The following CAPZB variants were observed in gnomAD, a reference collection of about 807,000 sequenced individuals.
The protein encoded by CAPZB is capping actin protein of muscle Z-line subunit beta.
CAPZB carries 2 observed loss-of-function variants against 38.1 expected under a neutral mutation model. The ratio of observed to expected loss-of-function variants is 0.05; its 90% CI spans 0.02 to 0.17. The LOEUF is 0.17. Ranked by LOEUF, CAPZB falls within the 10% of genes least tolerant of loss-of-function variation. The pLI is 1.00. For missense variants in CAPZB, 161 were observed against 334.2 expected (o/e 0.48, Z 4.04); for synonymous variants, 107 against 127.4 (o/e 0.84, Z 1.08).
intron 2 of CAPZB, among the ~76,000 whole-genome samples, chr1:19,402,925 T>A (rs985866192): frequency 6.6e-6 from 1 of 152,142 alleles, no homozygotes; most frequent in Non-Finnish European, 1.5e-5. Flanking sequence ...GGCAGGCACC[T>A]GTAATCCCAG....
intron 1 of CAPZB, among the ~76,000 whole-genome samples, chr1:19,438,766 C>T (rs2094466347): frequency 6.6e-6 from 1 of 152,234 alleles, no homozygotes; most frequent in Admixed American, 6.5e-5. Context: ...AGCTCTCTAA[C>T]ACAGGGAGGG....
intron 1 of CAPZB, chr1:19,449,163 A>C (rs544289069): frequency 7.5e-7 from 1 of 1,326,086 alleles, no homozygotes; most frequent in Admixed American, 3.1e-5. Context: ...CTGATAACGC[A>C]CAAAGTGCAC....
At chr1:19,394,364 T>C (rs933386258) in intron 2 of CAPZB, among the ~76,000 whole-genome samples, 2 of 152,202 alleles carry the variant, frequency 1.3e-5, no homozygotes, top group African/African-American at 4.8e-5. Flanking sequence ...CACCAGTAAT[T>C]ATAACATCGC....
At chr1:19,465,409 C>T (rs887727181) in intron 1 of CAPZB, among the ~76,000 whole-genome samples, 1 of 152,178 alleles carries the variant, frequency 6.6e-6, no homozygotes, top group Non-Finnish European at 1.5e-5. Context: ...GACTTCCCAG[C>T]CTTCAGAACT....
chr1:19,458,255 CATA>C (rs1338869242), intron 1 of CAPZB, among the ~76,000 whole-genome samples: 1 of 152,188 alleles, frequency 6.6e-6, no homozygotes, highest in Non-Finnish European at 1.5e-5. Context: ...CATGGGTCAA[CATA>C]ATATTTTTTG....
At position 19,456,354 on chromosome 1, in the gene CAPZB, G is replaced by C. The variant is rs558464155; in HGVS notation, c.3+29082C>G. On this transcript the variant is annotated intron_variant, in intron 1 of 8. Transcript: ENST00000264202. ...ATACTAATGACACCTCTAAGAAGAG[G>C]GTCAGGTGCAAATCCAAGCCAGGAT... 5.3e-5 allele frequency among the ~76,000 whole-genome samples: 8 copies of C among 152,204 alleles called. No individual in the cohort carries two copies. In the South Asian group the frequency reaches 1.7e-3, roughly 32 times the overall value.
intron 1 of CAPZB, among the ~76,000 whole-genome samples, chr1:19,450,712 C>G (rs1192128878): frequency 6.6e-6 from 1 of 152,282 alleles, no homozygotes; most frequent in Admixed American, 6.5e-5. Context: ...GAAGCAAAAA[C>G]CTGAAAAACT....
chr1:19,469,809 G>A (rs958135666), intron 1 of CAPZB, among the ~76,000 whole-genome samples: 2 of 150,976 alleles, frequency 1.3e-5, no homozygotes, highest in African/African-American at 4.9e-5. Context: ...AAGCAACAGA[G>A]AGCACAGTAA....
chr1:19,480,002 T>C (rs2094621696), intron 1 of CAPZB, among the ~76,000 whole-genome samples: 1 of 152,100 alleles, frequency 6.6e-6, no homozygotes, highest in Admixed American at 6.5e-5. Flanking sequence ...CCAGGCTTCA[T>C]GCCCAGCCCC....
intron 6 of CAPZB, among the ~76,000 whole-genome samples, chr1:19,345,882 G>A (rs4912072): frequency 0.18 from 26,998 of 152,210 alleles, 2,948 homozygotes; most frequent in Non-Finnish European, 0.22. Flanking sequence ...TCTGCGAGGA[G>A]AGTTTGAGCA....
chr1:19,394,808 G>A (rs984342269), intron 2 of CAPZB, among the ~76,000 whole-genome samples: 11 of 152,176 alleles, frequency 7.2e-5, no homozygotes, highest in African/African-American at 1.7e-4. Flanking sequence ...CACATCTGGC[G>A]GAGTAACACA....
chr1:19,425,144 G>A (rs1185048117), intron 1 of CAPZB, among the ~76,000 whole-genome samples: 1 of 152,188 alleles, frequency 6.6e-6, no homozygotes, highest in Non-Finnish European at 1.5e-5. Flanking sequence ...GAAGTAAACT[G>A]TCACCTGGTG....
At chr1:19,374,922 AGAAAGG>A (rs1254868960) in intron 4 of CAPZB, among the ~76,000 whole-genome samples, 2 of 152,230 alleles carry the variant, frequency 1.3e-5, no homozygotes, top group Non-Finnish European at 2.9e-5. Context: ...AAAGATGAAG[AGAAAGG>A]GATGGCCTAC....
rs1426582909 is a variant in CAPZB at position 19,357,894 on chromosome 1, T to C, written c.330-331A>G. On this transcript the variant is annotated intron_variant, in intron 4 of 8. Transcript: ENST00000264202. This position sits in a 1 kb window ranked among gnomAD's most constrained non-coding sequence, Gnocchi z 4.3. ...CAGCACGACTGACATCCAGTGACAA[T>C]CCATGCAGGCCATGACTACTGGAGT... Among the ~76,000 whole-genome samples the C allele has an allele frequency of 6.6e-6, 1 of 152,122 alleles. No homozygotes were observed. Among genetic ancestry groups the C allele is most frequent in the Non-Finnish European group, 1.5e-5 (1 of 68,016 alleles).
At chr1:19,341,759 C>T (rs2093930387) in intron 8 of CAPZB, among the ~76,000 whole-genome samples, 1 of 152,232 alleles carries the variant, frequency 6.6e-6, no homozygotes, top group African/African-American at 2.4e-5. Flanking sequence ...GTGAGGCTGA[C>T]CCGAGTCGTG....
intron 3 of CAPZB, among the ~76,000 whole-genome samples, chr1:19,381,632 T>C (rs2094175319): frequency 6.6e-6 from 1 of 151,244 alleles, no homozygotes; most frequent in African/African-American, 2.4e-5. Flanking sequence ...TGCAGTGATG[T>C]GAACATGGTC....
At position 19,453,953 on chromosome 1, in the gene CAPZB, A is replaced by T. The variant is rs189658986; in HGVS notation, c.3+31483T>A. Among the ~76,000 whole-genome samples, 12 of 152,322 alleles carry T rather than the reference A, an allele frequency of 7.9e-5. No individual in the cohort carries two copies. In the East Asian group the frequency reaches 1.2e-3, roughly 15 times the overall value. Reference sequence around the variant, plus strand: ...AACAAAGAAGCTAAGGACTGGGGCCACTTGGGACTCACGCCCAGGCAGCCA... The same window carrying T: ...AACAAAGAAGCTAAGGACTGGGGCCTCTTGGGACTCACGCCCAGGCAGCCA... On this transcript the variant is annotated intron_variant, in intron 1 of 8. Transcript: ENST00000264202.
At position 19,339,467 on chromosome 1, in the gene CAPZB, C is replaced by G; in HGVS notation, c.*63G>C. The G allele has an allele frequency of 3.1e-6, 4 of 1,270,386 alleles. No homozygotes were observed. The highest frequency in any genetic ancestry group is 2.4e-5 in the South Asian group (2 of 84,224). 78.7% of individuals were successfully genotyped at this position (1,270,386 alleles called of 1,614,324 possible). On this transcript the variant is annotated 3_prime_UTR_variant, in exon 9 of 9. Transcript: ENST00000264202. ...AGGGACGAGGGAAGGGAGCAGAAAA[C>G]GAGTTTTCTAAGAAAGGAATCTAAC...
intron 2 of CAPZB, among the ~76,000 whole-genome samples, chr1:19,399,112 C>T (rs1222269615): frequency 6.6e-6 from 1 of 151,964 alleles, no homozygotes; most frequent in Non-Finnish European, 1.5e-5. Context: ...CCTGTCTTGC[C>T]CTCCCGAAGT....
Sources: allele counts gnomAD v4.1 joint callset (sites outside exome capture counted in the v4.1 genomes callset), GRCh38; gene constraint gnomAD v4.1.1; non-coding constraint Gnocchi (gnomAD v3.1); transcripts MANE v1.5; gene names NCBI Gene and HGNC (gene_info 2026-07-23, HGNC 2026-07-21).